The following NRXN3 variants were observed in gnomAD, a reference collection of about 807,000 sequenced individuals.
NRXN3 encodes the protein neurexin 3.
NRXN3 carries 32 observed loss-of-function variants against 137.6 expected under a neutral mutation model. The ratio of observed to expected loss-of-function variants is 0.23; its 90% CI spans 0.18 to 0.31. The LOEUF (loss-of-function observed/expected upper bound fraction) is 0.31, where lower values mean the gene tolerates loss of function less well. Among genes scored for constraint, NRXN3 ranks in the 10% least tolerant of loss-of-function variants. NRXN3 has a pLI of 1.00. For synonymous variants in NRXN3, 798 were observed against 784.5 expected (o/e 1.02, Z -0.29); for missense variants, 1,574 against 2,062.5 (o/e 0.76, Z 4.59).
intron 16 of NRXN3, among the ~76,000 whole-genome samples, chr14:79,492,148 C>G (rs1408492826): frequency 6.6e-6 from 1 of 152,120 alleles, no homozygotes; most frequent in Non-Finnish European, 1.5e-5. Flanking sequence ...GATTTCTCAA[C>G]TCTTGAGTTA....
At chr14:78,578,397 A>G (rs1355476784) in intron 4 of NRXN3, among the ~76,000 whole-genome samples, 1 of 152,202 alleles carries the variant, frequency 6.6e-6, no homozygotes, top group Non-Finnish European at 1.5e-5. Flanking sequence ...GCTAAGCTTC[A>G]CTAGAGCTAT....
intron 16 of NRXN3, among the ~76,000 whole-genome samples, chr14:79,578,451 A>G (rs1253730162): frequency 6.6e-6 from 1 of 152,138 alleles, no homozygotes; most frequent in Non-Finnish European, 1.5e-5. Context: ...CCCTCAGGAG[A>G]TAGACCTGAG....
chr14:79,634,002 A>G (rs1453875225), intron 16 of NRXN3, among the ~76,000 whole-genome samples: 1 of 141,250 alleles, frequency 7.1e-6, no homozygotes, highest in African/African-American at 2.8e-5. Flanking sequence ...CACAAAACCA[A>G]AACCACTTAA....
In NRXN3 at chr14:78,600,329, A is replaced by G. The variant is rs531083417; in HGVS notation, c.758-44791A>G. Among the ~76,000 whole-genome samples, 16 of 152,272 alleles carry G rather than the reference A, an allele frequency of 1.1e-4. No individual in the cohort carries two copies. The South Asian group carries it at 1.9e-3, about 18-fold the overall frequency. ...AAAGAGCCCCACCTTATAGATATGT[A>G]TCTTACACTCATATGACCTTCCCTA... On this transcript the variant is annotated intron_variant, in intron 4 of 20. Coordinates refer to ENST00000335750, the MANE Select transcript of NRXN3 (RefSeq NM_001330195.2).
intron 10 of NRXN3, among the ~76,000 whole-genome samples, chr14:78,846,192 G>A (rs2099026416): frequency 6.6e-6 from 1 of 151,954 alleles, no homozygotes; most frequent in Non-Finnish European, 1.5e-5. Context: ...AAGCTAACAT[G>A]ATTTTAGATG....
chr14:79,636,365 C>T (rs2098403318), intron 16 of NRXN3, among the ~76,000 whole-genome samples: 1 of 152,136 alleles, frequency 6.6e-6, no homozygotes, highest in Non-Finnish European at 1.5e-5. Flanking sequence ...TTTAATTTTT[C>T]TGACACACAG....
At chr14:78,350,407 A>G (rs1451026103) in intron 4 of NRXN3, among the ~76,000 whole-genome samples, 1 of 152,046 alleles carries the variant, frequency 6.6e-6, no homozygotes, top group Admixed American at 6.6e-5. Flanking sequence ...ACAAATAGTA[A>G]GGGGAGGGGG....
At chr14:79,603,238 CCAT>C (rs1174643248) in intron 16 of NRXN3, among the ~76,000 whole-genome samples, 1 of 139,038 alleles carries the variant, frequency 7.2e-6, no homozygotes, top group Non-Finnish European at 1.5e-5. Context: ...TTACTCCATT[CCAT>C]TGGCCAGAGG....
At chr14:79,409,943 C>A (rs1370406509) in intron 15 of NRXN3, among the ~76,000 whole-genome samples, 1 of 151,634 alleles carries the variant, frequency 6.6e-6, no homozygotes, top group Non-Finnish European at 1.5e-5. Context: ...TCGTCCCACT[C>A]CTTCTTGTTT....
At chr14:78,621,472 A>G (rs2097403408) in intron 4 of NRXN3, among the ~76,000 whole-genome samples, 1 of 152,202 alleles carries the variant, frequency 6.6e-6, no homozygotes, top group African/African-American at 2.4e-5. Flanking sequence ...TCAAATAACA[A>G]ATACACTAAT....
intron 4 of NRXN3, among the ~76,000 whole-genome samples, chr14:78,401,907 T>G (rs1745365958): frequency 6.6e-6 from 1 of 152,250 alleles, no homozygotes; most frequent in Non-Finnish European, 1.5e-5. Context: ...TAGATCAAAC[T>G]AGTAAGATAC....
chr14:79,106,470 T>C (rs1248497356), intron 15 of NRXN3, among the ~76,000 whole-genome samples: 6 of 151,820 alleles, frequency 4.0e-5, no homozygotes, highest in African/African-American at 7.3e-5. Context: ...ATTCTGCATT[T>C]CTAAGAATAA....
chr14:79,183,808 A>C (rs2063213743), intron 15 of NRXN3, among the ~76,000 whole-genome samples: 1 of 152,228 alleles, frequency 6.6e-6, no homozygotes, highest in Admixed American at 6.5e-5. Context: ...AAAGGATTCC[A>C]GCTTAACGTT....
At chr14:79,667,519 A>C (rs898008423) in intron 17 of NRXN3, among the ~76,000 whole-genome samples, 9 of 152,078 alleles carry the variant, frequency 5.9e-5, no homozygotes, top group Non-Finnish European at 1.0e-4. Context: ...TTTAGAACCC[A>C]GCTGGGCACA....
chr14:78,707,981 T>C (rs2152827203), intron 6 of NRXN3, among the ~76,000 whole-genome samples: 1 of 152,386 alleles, frequency 6.6e-6, no homozygotes, highest in East Asian at 1.9e-4. Context: ...TCCACAATTT[T>C]GCAATTGGAA....
At chr14:79,102,260 TC>T (rs1376158907) in intron 15 of NRXN3, among the ~76,000 whole-genome samples, 1 of 152,092 alleles carries the variant, frequency 6.6e-6, no homozygotes, top group Non-Finnish European at 1.5e-5. Context: ...TTAACCTAAT[TC>T]CCCTCTGTTG....
chr14:79,148,623 C>T (rs747881731), intron 15 of NRXN3, among the ~76,000 whole-genome samples: 10 of 152,086 alleles, frequency 6.6e-5, no homozygotes, highest in African/African-American at 1.7e-4. Context: ...ACTCAGCCTG[C>T]GAATTAAAAA....
intron 15 of NRXN3, among the ~76,000 whole-genome samples, chr14:79,378,780 ATTGAGGTTTTTATCTC>A (rs1431654303): frequency 9.9e-5 from 15 of 152,114 alleles, no homozygotes; most frequent in Admixed American, 5.2e-4. Flanking sequence ...AATGATTAAA[ATTGAGGTTTTTATCTC>A]TTGATTATGG....
chr14:78,471,425 A>G (rs1456283041), intron 4 of NRXN3, among the ~76,000 whole-genome samples: 2 of 152,136 alleles, frequency 1.3e-5, no homozygotes, highest in African/African-American at 2.4e-5. Flanking sequence ...ACTGGAATCA[A>G]CAAGATAAAT....
Sources: allele counts gnomAD v4.1 joint callset (sites outside exome capture counted in the v4.1 genomes callset), GRCh38; gene constraint gnomAD v4.1.1; transcripts MANE v1.5; gene names NCBI Gene and HGNC (gene_info 2026-07-23, HGNC 2026-07-21).